P2RY8: variants seen among roughly 807,000 people sequenced by gnomAD.
P2RY8 encodes P2Y receptor family member 8.
In P2RY8, 6 loss-of-function variants were observed where a neutral mutation model predicts 10.0. The observed-to-expected ratio is 0.60, with a 90% CI of 0.33 to 1.19. The LOEUF is 1.19. Ranked by LOEUF, P2RY8 falls within the 50% of genes most tolerant of loss-of-function variation. The pLI, the probability that P2RY8 is intolerant of heterozygous loss-of-function variation, is 0.04. For synonymous variants in P2RY8, 276 were observed against 252.5 expected, an observed-to-expected ratio of 1.09 and a Z score of -0.88; for missense variants, 456 against 542.0, an observed-to-expected ratio of 0.84 and a Z score of 1.58.
chrX:1,518,929 C>T (rs867393595), intron 1 of P2RY8, among the ~76,000 whole-genome samples: 3 of 151,896 alleles, frequency 2.0e-5, no homozygotes, highest in African/African-American at 2.4e-5. Context: ...CTCCTTGGCC[C>T]CCAATAATCT....
intron 1 of P2RY8, among the ~76,000 whole-genome samples, chrX:1,523,615 G>C (rs1456210896): frequency 6.6e-6 from 1 of 152,150 alleles, no homozygotes; most frequent in Non-Finnish European, 1.5e-5. Flanking sequence ...ACACAGAGGT[G>C]ATGATTGTAC....
At chrX:1,493,427 GGAGGGAGGGAAGGA>G (rs1569537383) in intron 1 of P2RY8, among the ~76,000 whole-genome samples, 3 of 42,672 alleles carry the variant, frequency 7.0e-5, no homozygotes, top group Non-Finnish European at 1.6e-4. Context: ...GGAGGAAGGA[GGAGGGAGGGAAGGA>G]GGAGGAAGGA....
chrX:1,490,779 A>G (rs2092038639), intron 1 of P2RY8, among the ~76,000 whole-genome samples: 1 of 148,798 alleles, frequency 6.7e-6, no homozygotes, highest in African/African-American at 2.5e-5. Flanking sequence ...ACTTCTGCAA[A>G]CGTAGAGAGA....
intron 1 of P2RY8, among the ~76,000 whole-genome samples, chrX:1,525,428 C>T (rs1358381487): frequency 7.2e-5 from 11 of 152,098 alleles, no homozygotes; most frequent in Admixed American, 7.2e-4. Context: ...TGTGTGAAGA[C>T]AGAGGCAGAG....
In P2RY8 at chrX:1,465,451, C is replaced by T. The variant is rs759646213; in HGVS notation, c.*28G>A. 3.2e-6 allele frequency: 5 copies of T among 1,573,074 alleles called. No individual in the cohort carries two copies. The highest frequency in any genetic ancestry group is 2.3e-4 in the Middle Eastern group (1 of 4,372). ...GCCCCTGGATCTCCAAGCTGCGCCC[C>T]CGGCTCTCCAAGCTGCGCCCCCGGG... On this transcript the variant is annotated 3_prime_UTR_variant, in exon 2 of 2. Coordinates refer to ENST00000381297, the MANE Select transcript of P2RY8 (RefSeq NM_178129.5).
At chrX:1,505,313 A>C (rs1255361801) in intron 1 of P2RY8, among the ~76,000 whole-genome samples, 4 of 152,126 alleles carry the variant, frequency 2.6e-5, no homozygotes, top group Non-Finnish European at 5.9e-5. Flanking sequence ...TCTGAGAAGG[A>C]AGCAACAGAG....
At chrX:1,519,877 A>G (rs1182041790) in intron 1 of P2RY8, among the ~76,000 whole-genome samples, 4 of 146,844 alleles carry the variant, frequency 2.7e-5, no homozygotes, top group African/African-American at 1.0e-4. Context: ...ATCTCTAATA[A>G]TCTCTCTGGT....
At chrX:1,470,760 G>T (rs1226208844) in intron 1 of P2RY8, among the ~76,000 whole-genome samples, 1 of 151,938 alleles carries the variant, frequency 6.6e-6, no homozygotes, top group Non-Finnish European at 1.5e-5. Flanking sequence ...TTCAGTGGGT[G>T]CATAATAGTC....
At chrX:1,472,364 A>C (rs2091798603) in intron 1 of P2RY8, among the ~76,000 whole-genome samples, 1 of 149,758 alleles carries the variant, frequency 6.7e-6, no homozygotes. Flanking sequence ...GGATGAATAA[A>C]TGGATGGATG....
rs10715183 is a variant in P2RY8 at position 1,480,296 on chromosome X, C to CT, written c.-24-13715dup. ...GTTGACATGTTTCTTTCTTTTCTTT[C>CT]TTTTTTTTTTTTATTGGCTGAGTCA... On this transcript the variant is annotated intron_variant, in intron 1 of 1. Transcript: ENST00000381297. 7.9e-4 allele frequency among the ~76,000 whole-genome samples: 116 copies of CT among 147,280 alleles called. No homozygotes were observed. The East Asian group carries it at 0.013, about 16-fold the overall frequency.
intron 1 of P2RY8, among the ~76,000 whole-genome samples, chrX:1,530,752 T>C (rs2092468754): frequency 1.3e-5 from 2 of 150,512 alleles, no homozygotes; most frequent in East Asian, 2.0e-4. Context: ...ATCTAATCTA[T>C]GTATGTATAT....
intron 1 of P2RY8, among the ~76,000 whole-genome samples, chrX:1,521,709 C>T (rs2092392860): frequency 6.6e-6 from 1 of 152,036 alleles, no homozygotes; most frequent in Non-Finnish European, 1.5e-5. Context: ...AAGTGAGTTG[C>T]ATGGGGTGAA....
intron 1 of P2RY8, among the ~76,000 whole-genome samples, chrX:1,535,960 T>C (rs1395129147): frequency 9.9e-5 from 15 of 152,062 alleles, no homozygotes; most frequent in Non-Finnish European, 1.6e-4. Flanking sequence ...AGGTCTGAGG[T>C]GGCCGTGAGA....
chrX:1,517,860 G>A (rs1194855378), intron 1 of P2RY8, among the ~76,000 whole-genome samples: 10 of 152,114 alleles, frequency 6.6e-5, no homozygotes, highest in Non-Finnish European at 1.5e-4. Flanking sequence ...TGTCATTCCA[G>A]CGCTTTAAGA....
At chrX:1,471,309 A>ATTT (rs1159260456) in intron 1 of P2RY8, among the ~76,000 whole-genome samples, 12,337 of 99,236 alleles carry the variant, frequency 0.12, 1,835 homozygotes, top group Non-Finnish European at 0.17. Context: ...CGCCCAGCCC[A>ATTT]TTTTTTTTTT....
intron 1 of P2RY8, among the ~76,000 whole-genome samples, chrX:1,474,929 AATC>A (rs2091859073): frequency 1.0e-5 from 1 of 95,494 alleles, no homozygotes; most frequent in Non-Finnish European, 2.2e-5. Flanking sequence ...TGGATGGATG[AATC>A]AGTGTTTAGG....
At chrX:1,497,016 C>T (rs1439321086) in intron 1 of P2RY8, among the ~76,000 whole-genome samples, 26 of 146,758 alleles carry the variant, frequency 1.8e-4, no homozygotes, top group Admixed American at 1.0e-3. Context: ...ATCAGGAGTT[C>T]GAGACCAGTC....
intron 1 of P2RY8, among the ~76,000 whole-genome samples, chrX:1,505,344 C>T (rs1202419748): frequency 6.6e-5 from 10 of 152,108 alleles, no homozygotes; most frequent in East Asian, 1.9e-4. Context: ...CCGGCCTTTC[C>T]GTTGGCCTTG....
At chrX:1,477,255 A>T (rs1478896061) in intron 1 of P2RY8, among the ~76,000 whole-genome samples, 1 of 151,844 alleles carries the variant, frequency 6.6e-6, no homozygotes, top group Non-Finnish European at 1.5e-5. Flanking sequence ...CCATTTGTTG[A>T]TCTAACCCCT....
Sources: gnomAD v4.1 joint callset for allele counts (sites outside exome capture counted in the v4.1 genomes callset) on GRCh38, gnomAD v4.1.1 for gene constraint, MANE v1.5 for transcripts, NCBI Gene and HGNC (gene_info 2026-07-23, HGNC 2026-07-21) for gene names.